PIEZO2: variants seen among roughly 807,000 people sequenced by gnomAD.
The protein encoded by PIEZO2 is piezo-type mechanosensitive ion channel component 2.
Under a neutral mutation model 337.3 loss-of-function variants are expected in PIEZO2, and 172 were observed. That is an observed-to-expected ratio of 0.51 (90% confidence interval 0.45 to 0.58). The LOEUF (loss-of-function observed/expected upper bound fraction) is 0.58, where lower values mean the gene tolerates loss of function less well. Ranked by LOEUF, PIEZO2 falls within the 20% of genes least tolerant of loss-of-function variation. PIEZO2 has a pLI of 0.00. For synonymous variants in PIEZO2, 1,251 were observed against 1,228.5 expected, an observed-to-expected ratio of 1.02 and a Z score of -0.38; for missense variants, 3,028 against 3,391.3, an observed-to-expected ratio of 0.89 and a Z score of 2.66.
intron 4 of PIEZO2, among the ~76,000 whole-genome samples, chr18:10,900,804 C>T (rs1226000661): frequency 6.6e-6 from 1 of 152,182 alleles, no homozygotes; most frequent in East Asian, 1.9e-4. Flanking sequence ...TCTGCCTCCA[C>T]ACATGCGCAG....
rs2036140121 is a variant in PIEZO2 at position 11,017,040 on chromosome 18, C to G, written c.161-37380G>C. 2.6e-5 allele frequency among the ~76,000 whole-genome samples: 4 copies of G among 152,224 alleles called. No individual in the cohort carries two copies. The South Asian group carries it at 8.3e-4, about 32-fold the overall frequency. ...CCAGGTACACCAGCCTGGAGAAAAC[C>G]CTCATAAGAACGTGGTTCATGCATT... On this transcript the variant is annotated intron_variant, in intron 2 of 55. Transcript: ENST00000674853.
At position 10,682,317 on chromosome 18, in the gene PIEZO2, C is replaced by T; in HGVS notation, c.7498-25G>A. The T allele has an allele frequency of 6.6e-7, 1 of 1,510,612 alleles. No individual in the cohort carries two copies. The highest frequency in any genetic ancestry group is 1.3e-5 in the South Asian group (1 of 79,630). The allele number at this position is 1,510,612 out of a possible 1,614,324, so 93.6% of individuals were successfully genotyped here. ...TCTGCAACAGAGAGTTCAGACAAGG[C>T]TCAGGCTCAGGCTCAGGTGCTTTCC... On this transcript the variant is annotated intron_variant, in intron 49 of 55. Coordinates refer to ENST00000674853, the MANE Select transcript of PIEZO2 (RefSeq NM_001378183.1). This position sits in a 1 kb window ranked among gnomAD's most constrained non-coding sequence, Gnocchi z 5.6.
At chr18:11,039,351 G>C (rs1363752458) in intron 2 of PIEZO2, among the ~76,000 whole-genome samples, 1 of 152,132 alleles carries the variant, frequency 6.6e-6, no homozygotes, top group Non-Finnish European at 1.5e-5. Context: ...TAGGCAGAAA[G>C]GGCGGAAAAA....
At chr18:10,693,802 T>A (rs757412427) in intron 47 of PIEZO2, among the ~76,000 whole-genome samples, 1 of 152,098 alleles carries the variant, frequency 6.6e-6, no homozygotes, top group Non-Finnish European at 1.5e-5. Flanking sequence ...CAAAATTAGG[T>A]AATAGGCTTG....
chr18:10,944,225 A>T (rs1656249653), intron 3 of PIEZO2, among the ~76,000 whole-genome samples: 1 of 152,158 alleles, frequency 6.6e-6, no homozygotes, highest in South Asian at 2.1e-4. Flanking sequence ...TGAATAGGGG[A>T]TCAGGAAATG....
Position 10,746,004 on chromosome 18 carries a change from C to T in PIEZO2, c.4425-1773G>A, listed in dbSNP as rs147232189. Among the ~76,000 whole-genome samples the T allele has an allele frequency of 6.6e-6, 1 of 152,318 alleles. No individual in the cohort carries two copies. Among genetic ancestry groups the T allele is most frequent in the East Asian group, 1.9e-4 (1 of 5,178 alleles). ...ATGCTTCCCTTTCTATCACTGTCTC[C>T]CTTCCTTCCAAGCAGTTTTCCAGCT... On this transcript the variant is annotated intron_variant, in intron 30 of 55. Coordinates refer to ENST00000674853, the MANE Select transcript of PIEZO2 (RefSeq NM_001378183.1). This position sits in a 1 kb window ranked among gnomAD's most constrained non-coding sequence, Gnocchi z 4.2.
At chr18:10,684,078 TTCC>T (rs2034403302) in intron 49 of PIEZO2, among the ~76,000 whole-genome samples, 2 of 10,164 alleles carry the variant, frequency 2.0e-4, no homozygotes, top group Non-Finnish European at 1.1e-3. Context: ...TCCTTCCTTT[TTCC>T]TTCCTTCCTT....
intron 14 of PIEZO2, 118 bp downstream of exon 14, chr18:10,791,083 G>T: frequency 1.8e-6 from 2 of 1,135,652 alleles, no homozygotes; most frequent in Non-Finnish European, 2.4e-6. Context: ...GTTACTTATT[G>T]CTCCAAGTTT....
chr18:11,046,945 T>A (rs2037339061), intron 2 of PIEZO2, among the ~76,000 whole-genome samples: 1 of 152,222 alleles, frequency 6.6e-6, no homozygotes, highest in Non-Finnish European at 1.5e-5. Flanking sequence ...TTGTCTTTGA[T>A]ACGCTCTCTC....
At chr18:11,075,608 A>G (rs1206940912) in intron 1 of PIEZO2, among the ~76,000 whole-genome samples, 2 of 152,104 alleles carry the variant, frequency 1.3e-5, no homozygotes, top group African/African-American at 4.8e-5. Context: ...TTCCTACAGA[A>G]AGTTACAAAA....
chr18:10,715,532 T>A, intron 38 of PIEZO2, 118 bp downstream of exon 38: 1 of 920,212 alleles, frequency 1.1e-6, no homozygotes, highest in East Asian at 2.8e-5. Context: ...AAAGGGGTTA[T>A]GCCACAACTG....
At chr18:10,787,208 A>C (rs991196856) in intron 15 of PIEZO2, 24 bp from the exon 16 acceptor site, 70 of 1,488,942 alleles carry the variant, frequency 4.7e-5, no homozygotes, top group Non-Finnish European at 6.1e-5. Flanking sequence ...ATTGAAAAAA[A>C]AAAATGAGAA....
chr18:10,860,625 A>G (rs2144726719), intron 5 of PIEZO2, among the ~76,000 whole-genome samples: 1 of 152,338 alleles, frequency 6.6e-6, no homozygotes, highest in East Asian at 1.9e-4. Context: ...TCTAGGAAGG[A>G]AGTTTGGCCA....
At chr18:10,932,241 C>A (rs1167497956) in intron 3 of PIEZO2, among the ~76,000 whole-genome samples, 3 of 151,764 alleles carry the variant, frequency 2.0e-5, no homozygotes, top group African/African-American at 7.3e-5. Flanking sequence ...ACAAAAAATA[C>A]AAAAATTAGC....
In PIEZO2 at chr18:11,148,857, A is replaced by G; in HGVS notation, c.-269T>C. ...GCGCCCGGCCCCCTGCGGCCGGCCC[A>G]TTTAGTGTGAATCCTGGATCCGGCA... On this transcript the variant is annotated 5_prime_UTR_variant, in exon 1 of 56. The change abolishes an upstream ATG in the 5' untranslated region. Transcript: ENST00000674853. The surrounding 1 kb of genome is among the most constrained non-coding windows in gnomAD (Gnocchi z 5.2). 1 of 415,288 alleles carries G rather than the reference A, an allele frequency of 2.4e-6. No individual in the cohort carries two copies. The highest frequency in any genetic ancestry group is 4.2e-6 in the Non-Finnish European group (1 of 237,162). 25.7% of individuals were successfully genotyped at this position (415,288 alleles called of 1,614,324 possible). A position where few individuals can be genotyped will look rare whatever the true frequency, so the allele number is the denominator to read the frequency against.
At position 10,833,530 on chromosome 18, in the gene PIEZO2, C is replaced by T. The variant is rs1235523324; in HGVS notation, c.917+21823G>A. Among the ~76,000 whole-genome samples the T allele has an allele frequency of 1.3e-5, 2 of 152,092 alleles. No homozygotes were observed. Among genetic ancestry groups the T allele is most frequent in the East Asian group, 3.9e-4 (2 of 5,174 alleles). On this transcript the variant is annotated intron_variant, in intron 7 of 55. Coordinates refer to ENST00000674853, the MANE Select transcript of PIEZO2 (RefSeq NM_001378183.1). This position sits in a 1 kb window ranked among gnomAD's most constrained non-coding sequence, Gnocchi z 4.7. ...TATTTCTGTTGGAGTTCAGAATAAC[C>T]CGTCTGTGCCCCCAGTTACTACAAG...
rs1043687378 is a variant in PIEZO2, at chr18:11,110,408, G to A, written c.64+38117C>T. Reference sequence around the variant, plus strand: ...CCACCCTGGGAGTTGGGCCTCCCCCGCATTCTGGCTGACAGGGCTTCAGCA... The same window carrying A: ...CCACCCTGGGAGTTGGGCCTCCCCCACATTCTGGCTGACAGGGCTTCAGCA... On this transcript the variant is annotated intron_variant, in intron 1 of 55. Transcript: ENST00000674853. The surrounding 1 kb of genome is among the most constrained non-coding windows in gnomAD (Gnocchi z 4.2). Among the ~76,000 whole-genome samples the A allele has an allele frequency of 3.3e-5, 5 of 152,204 alleles. No individual in the cohort carries two copies. Among genetic ancestry groups the A allele is most frequent in the Admixed American group, 2.6e-4 (4 of 15,276 alleles).
chr18:11,035,631 G>C lies in PIEZO2; in HGVS notation c.160+30496C>G, dbSNP rs2036902355. 6.6e-6 allele frequency among the ~76,000 whole-genome samples: 1 copy of C among 152,124 alleles called. No homozygotes were observed. Among genetic ancestry groups the C allele is most frequent in the Non-Finnish European group, 1.5e-5 (1 of 68,004 alleles). ...TCTGCAGGCTAATTATCAGGAAATAGAAAAAACAGCAGAGACCTCTAATAT... is the reference window on the plus strand; with the variant it reads ...TCTGCAGGCTAATTATCAGGAAATACAAAAAACAGCAGAGACCTCTAATAT... On this transcript the variant is annotated intron_variant, in intron 2 of 55. Coordinates refer to ENST00000674853, the MANE Select transcript of PIEZO2 (RefSeq NM_001378183.1). The surrounding 1 kb of genome is among the most constrained non-coding windows in gnomAD (Gnocchi z 4.3).
chr18:10,682,371 G>C lies in PIEZO2; in HGVS notation c.7498-79C>G. 5.6e-6 allele frequency: 7 copies of C among 1,250,656 alleles called. No individual in the cohort carries two copies. The highest frequency in any genetic ancestry group is 1.5e-5 in the South Asian group (1 of 68,588). The allele number at this position is 1,250,656 out of a possible 1,614,324, so 77.5% of individuals were successfully genotyped here. The stretch of plus-strand genomic sequence containing the variant: ...AGGCAGCGGGATTGGGGGAGAGCGA[G>C]TGCTCTTCCTGTGGTGCTGGGAACA... On this transcript the variant is annotated intron_variant, in intron 49 of 55. Coordinates refer to ENST00000674853, the MANE Select transcript of PIEZO2 (RefSeq NM_001378183.1). The surrounding 1 kb of genome is among the most constrained non-coding windows in gnomAD (Gnocchi z 5.6).
Sources: gnomAD v4.1 joint callset for allele counts (sites outside exome capture counted in the v4.1 genomes callset) on GRCh38, gnomAD v4.1.1 for gene constraint, Gnocchi (gnomAD v3.1) non-coding constraint, MANE v1.5 for transcripts, NCBI Gene and HGNC (gene_info 2026-07-23, HGNC 2026-07-21) for gene names.